Variants in TENM3 observed in about 807,000 individuals in gnomAD.
TENM3 encodes teneurin transmembrane protein 3.
A neutral mutation model predicts 255.1 loss-of-function variants in TENM3; 63 were observed. The observed-to-expected ratio is 0.25, with a 90% CI of 0.20 to 0.30. The LOEUF (loss-of-function observed/expected upper bound fraction) is 0.30, where lower values mean the gene tolerates loss of function less well. Ranked by LOEUF, TENM3 falls within the 10% of genes least tolerant of loss-of-function variation. The probability of loss-of-function intolerance (pLI) is 1.00; values close to 1 mark genes in which losing one functional copy is unlikely to be tolerated. For synonymous variants in TENM3, 1,306 were observed against 1,322.3 expected, an observed-to-expected ratio of 0.99 and a Z score of 0.27; for missense variants, 2,929 against 3,461.1, an observed-to-expected ratio of 0.85 and a Z score of 3.86.
the TENM3 span, among the ~76,000 whole-genome samples, chr4:181,732,756 C>T: frequency 2.0e-5 from 3 of 149,536 alleles, no homozygotes; most frequent in East Asian, 3.9e-4. Flanking sequence ...ACACAGCTTG[C>T]GTTTTGAGGT....
chr4:182,006,139 G>A, the TENM3 span, among the ~76,000 whole-genome samples: 1 of 152,222 alleles, frequency 6.6e-6, no homozygotes, highest in South Asian at 2.1e-4. Context: ...TCCTTGTCTT[G>A]TACCGGTTTT....
the TENM3 span, among the ~76,000 whole-genome samples, chr4:182,091,212 C>A: frequency 6.6e-6 from 1 of 152,204 alleles, no homozygotes; most frequent in Non-Finnish European, 1.5e-5. Flanking sequence ...CTGCAAAGCA[C>A]AGCAGGCCAA....
chr4:181,458,684 A>C, the TENM3 span, among the ~76,000 whole-genome samples: 1 of 152,060 alleles, frequency 6.6e-6, no homozygotes, highest in East Asian at 1.9e-4. Flanking sequence ...GCATTGCTCC[A>C]GTATAATATA....
chr4:182,407,554 G>T (rs1176528715), intron 3 of TENM3, among the ~76,000 whole-genome samples: 1 of 152,126 alleles, frequency 6.6e-6, no homozygotes, highest in African/African-American at 2.4e-5. Flanking sequence ...AATGACACTG[G>T]TGTTAGGACC....
the TENM3 span, among the ~76,000 whole-genome samples, chr4:181,682,355 C>A: frequency 6.6e-6 from 1 of 152,034 alleles, no homozygotes; most frequent in Admixed American, 6.6e-5. Context: ...CTGTCTTTTT[C>A]TCCTTTAAGT....
chr4:182,653,625 A>T (rs1753513486), intron 5 of TENM3, 146 bp from the exon 6 acceptor site: 1 of 879,506 alleles, frequency 1.1e-6, no homozygotes, highest in Non-Finnish European at 1.7e-6. Context: ...TCTTTGTTTT[A>T]TAATTTTCAT....
the TENM3 span, among the ~76,000 whole-genome samples, chr4:181,686,412 GAGA>G: frequency 2.0e-5 from 3 of 152,086 alleles, no homozygotes. Flanking sequence ...TTCCCTCAGT[GAGA>G]AGAACTAGAA....
At chr4:182,249,850 A>T (rs907398969) in intron 1 of TENM3, among the ~76,000 whole-genome samples, 2 of 151,404 alleles carry the variant, frequency 1.3e-5, no homozygotes, top group African/African-American at 4.9e-5. Context: ...TTGTAGCCTC[A>T]CACGCCTGAG....
chr4:182,347,913 GT>G (rs969098788), intron 3 of TENM3, among the ~76,000 whole-genome samples: 6 of 152,136 alleles, frequency 3.9e-5, no homozygotes, highest in Admixed American at 3.9e-4. Context: ...AAGAAAAATG[GT>G]TGTTTTATCA....
chr4:181,744,330 G>A, the TENM3 span, among the ~76,000 whole-genome samples: 1 of 152,056 alleles, frequency 6.6e-6, no homozygotes, highest in Non-Finnish European at 1.5e-5. Flanking sequence ...ATTCCTTTGG[G>A]TATATATATA....
At chr4:182,010,563 G>T in the TENM3 span, among the ~76,000 whole-genome samples, 1 of 151,928 alleles carries the variant, frequency 6.6e-6, no homozygotes, top group Non-Finnish European at 1.5e-5. Context: ...AGAAAAAATG[G>T]GATTCGTATG....
chr4:181,609,925 G>A, the TENM3 span, among the ~76,000 whole-genome samples: 4 of 151,350 alleles, frequency 2.6e-5, no homozygotes, highest in South Asian at 4.3e-4. Context: ...AAGGTCTTTT[G>A]AAGAATAATA....
chr4:182,093,668 A>G, the TENM3 span, among the ~76,000 whole-genome samples: 2 of 152,110 alleles, frequency 1.3e-5, no homozygotes, highest in African/African-American at 4.8e-5. Flanking sequence ...GGTTTTGCCA[A>G]TCCAGTACCA....
At chr4:182,124,980 G>A in the TENM3 span, among the ~76,000 whole-genome samples, 1 of 126,724 alleles carries the variant, frequency 7.9e-6, no homozygotes, top group Non-Finnish European at 1.7e-5. Flanking sequence ...ATTGCCCAGC[G>A]CATCCACGCT....
upstream of TENM3, chr4:182,142,812 C>T (rs1202034403): frequency 6.0e-6 from 1 of 165,892 alleles, no homozygotes; most frequent in African/African-American, 2.4e-5. Context: ...CACTCGGCAG[C>T]CCCAAGCACG....
chr4:182,352,080 T>C (rs1372828811), intron 3 of TENM3, among the ~76,000 whole-genome samples: 2 of 152,084 alleles, frequency 1.3e-5, no homozygotes, highest in Non-Finnish European at 2.9e-5. Context: ...TAGATATCAA[T>C]AGATATCTCC....
At chr4:181,733,497 A>C in the TENM3 span, among the ~76,000 whole-genome samples, 1 of 151,954 alleles carries the variant, frequency 6.6e-6, no homozygotes, top group South Asian at 2.1e-4. Context: ...ATCCTCTTAC[A>C]CTCTCCTCGT....
intron 1 of TENM3, among the ~76,000 whole-genome samples, chr4:182,320,963 A>G (rs1763012351): frequency 6.6e-6 from 1 of 152,240 alleles, no homozygotes; most frequent in African/African-American, 2.4e-5. Flanking sequence ...ACATATGTGT[A>G]TATATAGCAA....
At chr4:182,294,274 A>G (rs1225212471) in intron 1 of TENM3, among the ~76,000 whole-genome samples, 2 of 152,096 alleles carry the variant, frequency 1.3e-5, no homozygotes, top group Non-Finnish European at 2.9e-5. Flanking sequence ...TGAGTGACAC[A>G]TTTTTAAGAT....
Sources: allele counts gnomAD v4.1 joint callset (sites outside exome capture counted in the v4.1 genomes callset), GRCh38; gene constraint gnomAD v4.1.1; transcripts MANE v1.5; gene names NCBI Gene and HGNC (gene_info 2026-07-23, HGNC 2026-07-21).